KEL: variants seen among roughly 807,000 people sequenced by gnomAD.
KEL encodes the protein Kell metallo-endopeptidase (Kell blood group), also known as kell blood group glycoprotein.
In KEL, 96 loss-of-function variants were observed where a neutral mutation model predicts 99.5. That is an observed-to-expected ratio of 0.97 (90% CI 0.82 to 1.14). The LOEUF (loss-of-function observed/expected upper bound fraction) is 1.14, where lower values mean the gene tolerates loss of function less well. KEL is among the 50% of genes most tolerant of loss of function. The pLI is 0.00. For synonymous variants in KEL, 355 were observed against 354.8 expected, an observed-to-expected ratio of 1.00 and a Z score of -0.01; for missense variants, 926 against 924.2, an observed-to-expected ratio of 1.00 and a Z score of -0.03.
Position 142,962,325 on chromosome 7 carries a change from T to C in KEL, c.-119A>G. 1 of 1,157,584 alleles carries C rather than the reference T, an allele frequency of 8.6e-7. No homozygotes were observed. The highest frequency in any genetic ancestry group is 1.3e-6 in the Non-Finnish European group (1 of 767,872). The allele number at this position is 1,157,584 out of a possible 1,614,324, so 71.7% of individuals were successfully genotyped here. A position where few individuals can be genotyped will look rare whatever the true frequency, so the allele number is the denominator to read the frequency against. ...TCCTTGATCCTGGAGAAGGGGCACT[T>C]CTGCTGCTCTTTCGCCTTGTCCCCA... On this transcript the variant is annotated 5_prime_UTR_variant, in exon 1 of 19. Transcript: ENST00000355265.
At chr7:142,943,110 A>T (rs913078541) in intron 16 of KEL, 66 bp from the exon 17 acceptor site, 15 of 1,592,734 alleles carry the variant, frequency 9.4e-6, no homozygotes, top group Non-Finnish European at 1.7e-6. Flanking sequence ...CTAGGTGAGG[A>T]TGTGGGTGGT....
In KEL at chr7:142,943,050, G is replaced by C. The variant is rs1192707856; in HGVS notation, c.1772-6C>G. ...GAGGCAGCCCCCAGGCAGTACTGTTGAAAATGGGACAAGAGAACATACAGC... is the reference window on the plus strand; with the variant it reads ...GAGGCAGCCCCCAGGCAGTACTGTTCAAAATGGGACAAGAGAACATACAGC... On this transcript the variant is annotated splice_region_variant and splice_polypyrimidine_tract_variant and intron_variant, in intron 16 of 18. Transcript: ENST00000355265. The C allele has an allele frequency of 6.2e-7, 1 of 1,613,866 alleles. No homozygotes were observed. Among genetic ancestry groups the C allele is most frequent in the South Asian group, 1.1e-5 (1 of 91,072 alleles).
Position 142,952,545 on chromosome 7 carries a change from G to A in KEL, c.1167C>T (p.Ser389=). ...SQFQEARRKL[S]QKLRELTEQP... is the part of the protein sequence containing the mutation. ...GCTCTGTCAGTTCCCGCAGTTTCTGGCTGAGCTTTCTGCGTGCCTCCTGGA... is the reference window on the plus strand; with the variant it reads ...GCTCTGTCAGTTCCCGCAGTTTCTGACTGAGCTTTCTGCGTGCCTCCTGGA... The change falls in exon 10 of 19, where the codon AGC becomes AGT. Residue 389 remains serine, a synonymous_variant. Coordinates refer to ENST00000355265, the MANE Select transcript of KEL (RefSeq NM_000420.3). 3 of 1,614,056 alleles carry A rather than the reference G, an allele frequency of 1.9e-6. No homozygotes were observed. The highest frequency in any genetic ancestry group is 2.7e-5 in the African/African-American group (2 of 75,024).
intron 11 of KEL, among the ~76,000 whole-genome samples, chr7:142,945,165 T>G (rs1796490762): frequency 6.6e-6 from 1 of 152,174 alleles, no homozygotes; most frequent in Non-Finnish European, 1.5e-5. Context: ...CCTCCTGAGC[T>G]CTTCAGCTTC....
At position 142,961,751 on chromosome 7, in the gene KEL, GACA is replaced by G. The variant is rs1796964552; in HGVS notation, c.81+41_81+43del. On this transcript the variant is annotated intron_variant, in intron 2 of 18. Coordinates refer to ENST00000355265, the MANE Select transcript of KEL (RefSeq NM_000420.3). ...TTTGTGGGATTTTAGAGCCGAGAGTGACAACATCAGTGTATTCCAGACCCAGGA... is the reference window on the plus strand; with the variant it reads ...TTTGTGGGATTTTAGAGCCGAGAGTGACATCAGTGTATTCCAGACCCAGGA... 7 of 1,513,280 alleles carry G rather than the reference GACA, an allele frequency of 4.6e-6. No homozygotes were observed. In the East Asian group the frequency reaches 1.6e-4, roughly 34 times the overall value. 93.7% of individuals were successfully genotyped at this position (1,513,280 alleles called of 1,614,324 possible).
chr7:142,944,202 C>A, intron 13 of KEL, 121 bp downstream of exon 13: 1 of 842,894 alleles, frequency 1.2e-6, no homozygotes, highest in East Asian at 2.4e-5. Context: ...CAGCCAGCAC[C>A]AGAGTAAGGA....
rs1796453657 is a variant in KEL at position 142,944,329 on chromosome 7, G to A, written c.1485C>T (p.Tyr495=). 1 of 1,613,200 alleles carries A rather than the reference G, an allele frequency of 6.2e-7. No individual in the cohort carries two copies. Among genetic ancestry groups the A allele is most frequent in the African/African-American group, 1.3e-5 (1 of 74,900 alleles). The change falls in exon 13 of 19, where the codon TAC becomes TAT. Residue 495 remains tyrosine (Y), a synonymous_variant. Coordinates refer to ENST00000355265, the MANE Select transcript of KEL (RefSeq NM_000420.3). The part of the protein sequence containing the change: ...ALKPELARQE[Y]NDIQLGSSFL... ...GGAAAACACAGGGACCCACATCGTT[G>A]TATTCTTGTCGGGCCAGCTCTGGCT...
At chr7:142,948,899 G>GACACACACACACACACACAC (rs72104159) in intron 10 of KEL, among the ~76,000 whole-genome samples, 51 of 142,206 alleles carry the variant, frequency 3.6e-4, no homozygotes, top group African/African-American at 1.3e-3. Context: ...AAGCTTCACA[G>GACACACACACACACACACAC]ACACACACAC....
At chr7:142,944,792 G>C (rs999847937) in intron 11 of KEL, 51 bp from the exon 12 acceptor site, 2 of 1,384,116 alleles carry the variant, frequency 1.4e-6, no homozygotes, top group Non-Finnish European at 2.0e-6. Flanking sequence ...AGAGGCCTCA[G>C]CCTGGCCCTG....
intron 10 of KEL, among the ~76,000 whole-genome samples, chr7:142,947,083 G>A (rs1349357151): frequency 3.3e-5 from 5 of 152,150 alleles, no homozygotes; most frequent in East Asian, 1.9e-4. Flanking sequence ...AGGTCTTGGC[G>A]GTGGGCTTGC....
chr7:142,962,134 G>A, intron 1 of KEL, 70 bp downstream of exon 1: 1 of 1,613,622 alleles, frequency 6.2e-7, no homozygotes, highest in Non-Finnish European at 8.5e-7. Context: ...CCTCCAGTGG[G>A]GGCAGGACTT....
chr7:142,943,757 T>C (rs761847295), intron 14 of KEL, 26 bp downstream of exon 14: 1 of 1,595,288 alleles, frequency 6.3e-7, no homozygotes, highest in Non-Finnish European at 8.6e-7. Context: ...TGGGATGGAG[T>C]GCCTGTGTCT....
intron 10 of KEL, among the ~76,000 whole-genome samples, chr7:142,949,946 A>T (rs991137595): frequency 7.2e-5 from 11 of 152,244 alleles, no homozygotes; most frequent in African/African-American, 2.7e-4. Flanking sequence ...ATTCAAAACT[A>T]ATCATCCAAA....
intron 10 of KEL, 97 bp downstream of exon 10, chr7:142,952,412 G>A (rs912997935): frequency 2.5e-5 from 37 of 1,476,742 alleles, no homozygotes; most frequent in South Asian, 3.4e-5. Flanking sequence ...CTACCATCAC[G>A]GCCCCCTCCC....
Position 142,941,264 on chromosome 7 carries a change from G to T in KEL, c.2187C>A (p.Cys729Ter). 6.2e-7 allele frequency: 1 copy of T among 1,614,150 alleles called. No homozygotes were observed. Among genetic ancestry groups the T allele is most frequent in the Non-Finnish European group, 8.5e-7 (1 of 1,180,038 alleles). Residue 729 changes from cysteine (C) to a stop codon, truncating the protein, a stop_gained, in exon 19 of 19, where the codon TGC (cysteine) becomes TGA (stop). Coordinates refer to ENST00000355265, the MANE Select transcript of KEL (RefSeq NM_000420.3). LOFTEE classifies it high-confidence loss of function. ...TTTGGTAACCAAGTTACCAGAGCTG[G>T]CAGCGGCTGGAGGGGTTCAAGAGAG... ...RGALLNPSSR[C>*]QLW
At chr7:142,945,895 T>C (rs112145165) in intron 11 of KEL, among the ~76,000 whole-genome samples, 5,603 of 152,306 alleles carry the variant, frequency 0.037, 349 homozygotes, top group African/African-American at 0.13. Context: ...CCCAAAGTGC[T>C]GGGATTACAG....
At chr7:142,942,264 G>A (rs1796379438) in intron 18 of KEL, 170 bp downstream of exon 18, 1 of 634,716 alleles carries the variant, frequency 1.6e-6, no homozygotes, top group Non-Finnish European at 2.9e-6. Context: ...TCATCTGAGG[G>A]GTGATTCCAA....
intron 3 of KEL, 78 bp downstream of exon 3, chr7:142,961,282 C>T (rs1192887309): frequency 6.2e-7 from 1 of 1,602,466 alleles, no homozygotes; most frequent in Non-Finnish European, 8.5e-7. Context: ...GGGCAGAAGC[C>T]CCAGGAGCAG....
In KEL at chr7:142,942,975, T is replaced by C; in HGVS notation, c.1841A>G (p.His614Arg). ...GCTAGGTAATGGAAAGGCAGCATAA[T>C]GGCGCTTCAGGCACAGGTGAGCTTC... Reference protein sequence around the residue: ...LQEAHLCLKRHYAAFPLPSRT... With the variant: ...LQEAHLCLKRRYAAFPLPSRT... The change falls in exon 17 of 19, where the codon CAT (histidine) becomes CGT (arginine). Residue 614 changes from histidine to arginine, a missense_variant. By Grantham distance (29) the His-to-Arg change is conservative (BLOSUM62 0). Coordinates refer to ENST00000355265, the MANE Select transcript of KEL (RefSeq NM_000420.3). 2 of 1,614,178 alleles carry C rather than the reference T, an allele frequency of 1.2e-6. No individual in the cohort carries two copies. The highest frequency in any genetic ancestry group is 1.7e-6 in the Non-Finnish European group (2 of 1,180,026).
Sources: gnomAD v4.1 joint callset for allele counts (sites outside exome capture counted in the v4.1 genomes callset) on GRCh38, gnomAD v4.1.1 for gene constraint, MANE v1.5 for transcripts, NCBI Gene and HGNC (gene_info 2026-07-23, HGNC 2026-07-21) for gene names.